TANC2: variants seen among roughly 807,000 people sequenced by gnomAD.
TANC2 encodes the protein tetratricopeptide repeat, ankyrin repeat and coiled-coil containing 2.
In TANC2, 26 loss-of-function variants were observed where a neutral mutation model predicts 210.5. That is an observed-to-expected ratio of 0.12 (90% CI 0.09 to 0.17). TANC2 has a LOEUF of 0.17. TANC2 is among the 10% of genes least tolerant of loss of function. The pLI, the probability that TANC2 is intolerant of heterozygous loss-of-function variation, is 1.00. For missense variants in TANC2, 2,129 were observed against 2,608.9 expected (o/e 0.82, Z 4.01); for synonymous variants, 931 against 967.1 (o/e 0.96, Z 0.69).
intron 9 of TANC2, among the ~76,000 whole-genome samples, chr17:63,273,924 C>A (rs1157593466): frequency 6.6e-6 from 1 of 152,196 alleles, no homozygotes; most frequent in Non-Finnish European, 1.5e-5. Flanking sequence ...GCAGATCACA[C>A]TTTTAAAACC....
chr17:63,078,934 A>G lies in TANC2; in HGVS notation c.139+4920A>G, dbSNP rs563167102. 1.3e-4 allele frequency among the ~76,000 whole-genome samples: 20 copies of G among 152,336 alleles called. No individual in the cohort carries two copies. The South Asian group carries it at 3.9e-3, about 30-fold the overall frequency. ...ATTGATAGTGTTATTTAAGTCTTCT[A>G]TCTTCTTGCCGATTTTCTTTCTACT... On this transcript the variant is annotated intron_variant, in intron 3 of 27. Transcript: ENST00000689528.
intron 5 of TANC2, among the ~76,000 whole-genome samples, chr17:63,160,071 C>T (rs2039973484): frequency 6.6e-6 from 1 of 152,212 alleles, no homozygotes; most frequent in African/African-American, 2.4e-5. Flanking sequence ...AGAATGAGAG[C>T]AGAGAGGTTT....
chr17:63,329,991 A>T (rs1190329931), intron 11 of TANC2, among the ~76,000 whole-genome samples: 2 of 152,232 alleles, frequency 1.3e-5, no homozygotes, highest in African/African-American at 4.8e-5. Flanking sequence ...TTTTGAGTAT[A>T]AGGGAAAAGT....
rs567320527 is a variant in TANC2, at chr17:63,165,493, T to C, written c.433+14113T>C. On this transcript the variant is annotated intron_variant, in intron 5 of 27. Transcript: ENST00000689528. ...TAGCCTTTTCATTTTAAAAGCTCCC[T>C]GCTGCCCTTCTTATAACGGTCTGTA... Among the ~76,000 whole-genome samples the C allele has an allele frequency of 3.9e-5, 6 of 152,330 alleles. No homozygotes were observed. In the South Asian group the frequency reaches 1.2e-3, roughly 32 times the overall value.
intron 2 of TANC2, among the ~76,000 whole-genome samples, chr17:63,055,586 T>C (rs2035740402): frequency 6.6e-6 from 1 of 151,968 alleles, no homozygotes; most frequent in Non-Finnish European, 1.5e-5. Context: ...TATCATCATG[T>C]ACATACATAA....
At chr17:63,358,409 GTGTA>G (rs2046852667) in intron 14 of TANC2, among the ~76,000 whole-genome samples, 2 of 151,212 alleles carry the variant, frequency 1.3e-5, no homozygotes, top group South Asian at 2.1e-4. Context: ...GTGTGTGTGT[GTGTA>G]TGTGTGTGTG....
At chr17:63,089,058 A>G (rs2037083626) in intron 3 of TANC2, 1 of 152,074 alleles carries the variant, frequency 6.6e-6, no homozygotes, top group African/African-American at 2.4e-5. Flanking sequence ...AAAGTTGTTC[A>G]TTTTCTCATG....
intron 8 of TANC2, among the ~76,000 whole-genome samples, chr17:63,259,158 TC>T (rs1300333970): frequency 6.6e-6 from 1 of 152,168 alleles, no homozygotes; most frequent in African/African-American, 2.4e-5. Flanking sequence ...CCAGAACTCT[TC>T]CTGCGGCCCT....
intron 3 of TANC2, among the ~76,000 whole-genome samples, chr17:63,081,570 A>G (rs917856009): frequency 3.9e-5 from 6 of 152,212 alleles, no homozygotes; most frequent in Admixed American, 3.3e-4. Context: ...CCATCCCTCC[A>G]GGAACATACT....
In TANC2 at chr17:63,413,639, G is replaced by GGGGA. The variant is rs1163071832; in HGVS notation, c.4020+14_4020+17dup. ...GAGGGGGACATGTTTTATAAGGTGA[G>GGGGA]GGGAGGGAGGGACACAGTTTCTTCA... On this transcript the variant is annotated splice_donor_region_variant and intron_variant, in intron 25 of 27. Transcript: ENST00000689528. 1 of 1,586,276 alleles carries GGGGA rather than the reference G, an allele frequency of 6.3e-7. No homozygotes were observed. The highest frequency in any genetic ancestry group is 1.3e-5 in the African/African-American group (1 of 74,460).
chr17:63,122,597 C>T (rs1465421403), intron 4 of TANC2, among the ~76,000 whole-genome samples: 1 of 151,926 alleles, frequency 6.6e-6, no homozygotes, highest in East Asian at 1.9e-4. Context: ...CTTAGCCAGG[C>T]ATGGTGGTGC....
intron 2 of TANC2, among the ~76,000 whole-genome samples, chr17:63,044,186 C>T (rs558341154): frequency 1.3e-5 from 2 of 152,176 alleles, no homozygotes; most frequent in East Asian, 3.9e-4. Context: ...GTAACTGTAT[C>T]CTAACACAGA....
chr17:62,992,638 A>C (rs908804995), intron 1 of TANC2, among the ~76,000 whole-genome samples: 1 of 152,248 alleles, frequency 6.6e-6, no homozygotes. Flanking sequence ...ATAATACAGT[A>C]AATGATTCTT....
chr17:63,409,185 T>G (rs2048610276), intron 21 of TANC2, among the ~76,000 whole-genome samples: 1 of 152,152 alleles, frequency 6.6e-6, no homozygotes, highest in Admixed American at 6.5e-5. Context: ...TTTTGTCTTT[T>G]TTTAGAGGCA....
intron 6 of TANC2, 93 bp from the exon 7 acceptor site, chr17:63,200,678 G>GTTT: frequency 1.9e-6 from 2 of 1,046,526 alleles, no homozygotes; most frequent in Non-Finnish European, 2.7e-6. Flanking sequence ...TATGCATGTA[G>GTTT]TTTTTTTTTT....
intron 3 of TANC2, among the ~76,000 whole-genome samples, chr17:63,085,291 T>C (rs1225855734): frequency 6.6e-6 from 1 of 152,168 alleles, no homozygotes; most frequent in Non-Finnish European, 1.5e-5. Context: ...TTTTAATTGG[T>C]ATATTTAGAT....
At chr17:63,162,914 C>T (rs1258306303) in intron 5 of TANC2, among the ~76,000 whole-genome samples, 2 of 151,948 alleles carry the variant, frequency 1.3e-5, no homozygotes, top group East Asian at 1.9e-4. Context: ...ATTAATTTAA[C>T]GAGGGACTTG....
At chr17:63,342,410 T>G (rs2046261753) in intron 12 of TANC2, among the ~76,000 whole-genome samples, 2 of 152,142 alleles carry the variant, frequency 1.3e-5, no homozygotes, top group Admixed American at 1.3e-4. Flanking sequence ...TTTTAGGAAA[T>G]ATGTTTTGAA....
In TANC2 at chr17:63,220,723, T is replaced by A. The variant is rs200710983; in HGVS notation, c.770-17091T>A. On this transcript the variant is annotated intron_variant, in intron 7 of 27. Transcript: ENST00000689528. ...AGTCTCAAAAAAAAAAAAAAAAATA[T>A]ATATATATATATATGTATATATATA... Among the ~76,000 whole-genome samples the A allele has an allele frequency of 2.8e-3, 380 of 138,040 alleles. 2 individuals carry two copies. Among genetic ancestry groups the A allele is most frequent in the East Asian group, 0.013 (62 of 4,856 alleles). The allele number at this position is 138,040 out of a possible 152,430, so 90.6% of individuals were successfully genotyped here.
Sources: allele counts gnomAD v4.1 joint callset (sites outside exome capture counted in the v4.1 genomes callset), GRCh38; gene constraint gnomAD v4.1.1; transcripts MANE v1.5; gene names NCBI Gene and HGNC (gene_info 2026-07-23, HGNC 2026-07-21).